The following AOX1 variants were observed in gnomAD, a reference collection of about 807,000 sequenced individuals.
AOX1 encodes the protein aldehyde oxidase 1, also known as aldehyde oxidase.
Under a neutral mutation model 169.5 loss-of-function variants are expected in AOX1, and 153 were observed. That is an observed-to-expected ratio of 0.90 (90% CI 0.79 to 1.03). The LOEUF (loss-of-function observed/expected upper bound fraction) is 1.03. AOX1 is among the 50% of genes least tolerant of loss of function. The pLI, the probability that AOX1 is intolerant of heterozygous loss-of-function variation, is 0.00. For synonymous variants in AOX1, 562 were observed against 581.9 expected (o/e 0.97, Z 0.49); for missense variants, 1,656 against 1,663.9 (o/e 1.00, Z 0.08).
chr2:200,591,963 G>C (rs959927060), intron 1 of AOX1, among the ~76,000 whole-genome samples: 5 of 151,982 alleles, frequency 3.3e-5, no homozygotes, highest in Non-Finnish European at 7.4e-5. Flanking sequence ...CACTGATTGT[G>C]GTGGATTGGA....
At chr2:200,589,996 C>A (rs116819156) in intron 1 of AOX1, among the ~76,000 whole-genome samples, 82 of 152,260 alleles carry the variant, frequency 5.4e-4, no homozygotes, top group African/African-American at 1.6e-3. Context: ...AGATGTGTCC[C>A]CATGGCTGTT....
rs375426875 is a variant in AOX1, at chr2:200,666,722, C to T, written c.3579C>T (p.Cys1193=). 7 of 1,610,020 alleles carry T rather than the reference C, an allele frequency of 4.3e-6. No homozygotes were observed. The African/African-American group carries it at 6.7e-5, about 15-fold the overall frequency. The change falls in exon 32 of 35, where the codon TGC becomes TGT. Residue 1193 remains cysteine (C), a synonymous_variant. Coordinates refer to ENST00000374700, the MANE Select transcript of AOX1 (RefSeq NM_001159.4). ...IRTDIVMDVG[C]SINPAIDIGQ... is the part of the protein sequence containing the mutation. ...CAGACATTGTCATGGATGTTGGCTG[C>T]AGTATAAATCCAGCCATTGACATAG... is the stretch of plus-strand genomic sequence containing the variant.
At chr2:200,624,221 C>T (rs1184282445) in intron 19 of AOX1, among the ~76,000 whole-genome samples, 2 of 152,174 alleles carry the variant, frequency 1.3e-5, no homozygotes, top group Non-Finnish European at 2.9e-5. Context: ...CAGATGGCCG[C>T]CAGGACAACC....
chr2:200,638,352 C>A, intron 23 of AOX1, 50 bp downstream of exon 23: 1 of 1,494,012 alleles, frequency 6.7e-7, no homozygotes, highest in South Asian at 1.1e-5. Context: ...GATACAACAT[C>A]CTATCAGTGC....
chr2:200,655,851 T>C (rs2035671447), intron 26 of AOX1, among the ~76,000 whole-genome samples: 1 of 152,220 alleles, frequency 6.6e-6, no homozygotes, highest in Non-Finnish European at 1.5e-5. Context: ...TGGGTTTATC[T>C]GGTGATTAAC....
At chr2:200,623,184 C>T (rs1018150664) in intron 18 of AOX1, among the ~76,000 whole-genome samples, 8 of 152,190 alleles carry the variant, frequency 5.3e-5, no homozygotes, top group African/African-American at 1.4e-4. Flanking sequence ...TCTTCCAGTC[C>T]AGACTGTTTT....
At position 200,621,154 on chromosome 2, in the gene AOX1, G is replaced by A. The variant is rs760074982; in HGVS notation, c.1909G>A (p.Gly637Ser). ...TCTGTCAGAAGCTCTCAGCATGCCCGGTGTGGTGGACATCATGACAGCAGA... is the reference window on the plus strand; with the variant it reads ...TCTGTCAGAAGCTCTCAGCATGCCCAGTGTGGTGGACATCATGACAGCAGA... ...IDLSEALSMP[G>S]VVDIMTAEHL... Residue 637 changes from glycine to serine, a missense_variant, in exon 18 of 35, where the codon GGT (glycine) becomes AGT (serine). Transcript: ENST00000374700. 15 of 1,613,894 alleles carry A rather than the reference G, an allele frequency of 9.3e-6. No homozygotes were observed. Among genetic ancestry groups the A allele is most frequent in the South Asian group, 4.4e-5 (4 of 91,060 alleles).
chr2:200,633,742 G>C (rs1237037098), intron 20 of AOX1, among the ~76,000 whole-genome samples: 2 of 152,056 alleles, frequency 1.3e-5, no homozygotes, highest in Non-Finnish European at 2.9e-5. Context: ...GGATTTTCTT[G>C]GTTCCTGGTA....
In AOX1 at chr2:200,639,773, G is replaced by A. The variant is rs191324366; in HGVS notation, c.2569-1325G>A. Among the ~76,000 whole-genome samples, 20 of 152,220 alleles carry A rather than the reference G, an allele frequency of 1.3e-4. No homozygotes were observed. In the East Asian group the frequency reaches 3.5e-3, roughly 27 times the overall value. ...ATGGAGGCCAGGCACGGTGGCTCAG[G>A]CCTGTAATCCTAGCACTTTGGGAGG... On this transcript the variant is annotated intron_variant, in intron 23 of 34. Transcript: ENST00000374700.
At chr2:200,596,895 CT>C (rs1559230760) in intron 3 of AOX1, among the ~76,000 whole-genome samples, 2 of 152,166 alleles carry the variant, frequency 1.3e-5, no homozygotes, top group Non-Finnish European at 2.9e-5. Flanking sequence ...TCTTACAACT[CT>C]TAATGGCTTG....
chr2:200,615,802 T>C (rs1407803215), intron 15 of AOX1, among the ~76,000 whole-genome samples, 169 bp from the exon 16 acceptor site: 4 of 152,206 alleles, frequency 2.6e-5, no homozygotes, highest in Non-Finnish European at 5.9e-5. Flanking sequence ...GTATATGTCC[T>C]TGAGTCAGGG....
Position 200,615,999 on chromosome 2 carries a change from A to C in AOX1, c.1640A>C (p.Asp547Ala), listed in dbSNP as rs1452092511. The change falls in exon 16 of 35, where the codon GAC becomes GCC. Residue 547 changes from aspartate to alanine, a missense_variant. Asp to Ala is a moderately radical substitution (Grantham distance 126). Coordinates refer to ENST00000374700, the MANE Select transcript of AOX1 (RefSeq NM_001159.4). ...MDPVHYPSLA[D>A]KYESALEDLH... The stretch of plus-strand genomic sequence containing the variant: ...CCAGTTCACTATCCTAGCCTTGCAG[A>C]CAAGTATGAAAGTGCTTTAGAAGAT... 1.2e-6 allele frequency: 2 copies of C among 1,613,878 alleles called. No homozygotes were observed. The highest frequency in any genetic ancestry group is 1.1e-5 in the South Asian group (1 of 91,074).
In AOX1 at chr2:200,641,177, C is replaced by A; in HGVS notation, c.2648C>A (p.Ser883Ter). 6.2e-7 allele frequency: 1 copy of A among 1,607,530 alleles called. No homozygotes were observed. Among genetic ancestry groups the A allele is most frequent in the Non-Finnish European group, 8.5e-7 (1 of 1,174,294 alleles). Residue 883 changes from serine to a stop codon, truncating the protein, a stop_gained, in exon 24 of 35, where the codon TCA becomes TAA. Transcript: ENST00000374700. LOFTEE classifies it high-confidence loss of function. ...YSNAGASLDE[S>*]LFVIEMGLLK... ...AATGCAGGCGCCTCCTTGGATGAAT[C>A]ATTATTCGTAAGTGTTTTAAGGAGC...
intron 12 of AOX1, among the ~76,000 whole-genome samples, chr2:200,610,421 G>T (rs2034611148): frequency 6.6e-6 from 1 of 152,170 alleles, no homozygotes; most frequent in African/African-American, 2.4e-5. Flanking sequence ...TTCAATTTGA[G>T]TAACATCCCC....
chr2:200,657,188 A>ATTTTTTTTTTTTT (rs1309414882), intron 27 of AOX1, among the ~76,000 whole-genome samples: 1 of 68,612 alleles, frequency 1.5e-5, no homozygotes, highest in African/African-American at 7.0e-5. Flanking sequence ...ATATATATAT[A>ATTTTTTTTTTTTT]TATTTTTTTT....
At chr2:200,655,494 C>T (rs1229250895) in intron 26 of AOX1, among the ~76,000 whole-genome samples, 1 of 152,168 alleles carries the variant, frequency 6.6e-6, no homozygotes, top group East Asian at 1.9e-4. Flanking sequence ...TTCCCAAGGT[C>T]CTTGGGTGTC....
intron 4 of AOX1, 63 bp downstream of exon 4, chr2:200,597,568 C>G: frequency 7.7e-7 from 1 of 1,299,538 alleles, no homozygotes; most frequent in African/African-American, 1.5e-5. Flanking sequence ...CATTGAGTCC[C>G]TGAGATTAAG....
intron 25 of AOX1, among the ~76,000 whole-genome samples, chr2:200,648,868 G>A (rs1559254684): frequency 6.6e-6 from 1 of 151,942 alleles, no homozygotes. Context: ...AGGGAAGTAG[G>A]GGAAAGCCAG....
chr2:200,603,533 C>G (rs950497749), intron 7 of AOX1, among the ~76,000 whole-genome samples, 177 bp downstream of exon 7: 1 of 152,274 alleles, frequency 6.6e-6, no homozygotes, highest in Middle Eastern at 3.4e-3. Context: ...GCAACTTTGT[C>G]CTCATTCCAG....
Sources: gnomAD v4.1 joint callset for allele counts (sites outside exome capture counted in the v4.1 genomes callset) on GRCh38, gnomAD v4.1.1 for gene constraint, MANE v1.5 for transcripts, NCBI Gene and HGNC (gene_info 2026-07-23, HGNC 2026-07-21) for gene names.